Variants in ZNF254 observed in about 807,000 individuals in gnomAD.
ZNF254 encodes the protein CTD-2017D11.1.
In ZNF254, 10 loss-of-function variants were observed where a neutral mutation model predicts 12.4. That is an observed-to-expected ratio of 0.80 (90% confidence interval 0.50 to 1.36). The LOEUF (loss-of-function observed/expected upper bound fraction) is 1.36, where lower values mean the gene tolerates loss of function less well. Among genes scored for constraint, ZNF254 ranks in the 40% most tolerant of loss-of-function variants. The probability of loss-of-function intolerance (pLI) is 0.00; values close to 1 mark genes in which losing one functional copy is unlikely to be tolerated. For missense variants in ZNF254, 996 were observed against 763.9 expected (o/e 1.30, Z -3.58); for synonymous variants, 305 against 253.4 (o/e 1.20, Z -1.93).
At chr19:24,066,005 G>A (rs894260249) in intron 2 of ZNF254, 2 of 152,052 alleles carry the variant, frequency 1.3e-5, no homozygotes, top group Non-Finnish European at 2.9e-5. Context: ...TCTAGGTGAT[G>A]TGACTCTCCT....
chr19:24,121,133 G>A (rs1217612885), intron 3 of ZNF254, among the ~76,000 whole-genome samples: 1 of 151,896 alleles, frequency 6.6e-6, no homozygotes, highest in East Asian at 1.9e-4. Flanking sequence ...ATTTTTAAAG[G>A]GAAATAAATT....
chr19:24,128,854 TA>T lies in ZNF254; in HGVS notation c.*875del, dbSNP rs1257572979. The stretch of plus-strand genomic sequence containing the variant: ...TTTGTATATAACTTTAAAAATAGAA[TA>T]TTTTTTGGAGGGTTATAATTACATT... On this transcript the variant is annotated 3_prime_UTR_variant, in exon 4 of 4. Transcript: ENST00000357002. The T allele has an allele frequency of 2.0e-5, 3 of 152,026 alleles. No individual in the cohort carries two copies. The highest frequency in any genetic ancestry group is 4.4e-5 in the Non-Finnish European group (3 of 67,922). 9.4% of individuals were successfully genotyped at this position (152,026 alleles called of 1,614,324 possible). A position where few individuals can be genotyped will look rare whatever the true frequency, so the allele number is the denominator to read the frequency against.
At chr19:24,060,127 T>A (rs1971013312) in intron 2 of ZNF254, among the ~76,000 whole-genome samples, 1 of 152,176 alleles carries the variant, frequency 6.6e-6, no homozygotes, top group Admixed American at 6.5e-5. Flanking sequence ...CCCTGTCTAC[T>A]TAGGCTATTG....
intron 3 of ZNF254, among the ~76,000 whole-genome samples, chr19:24,121,743 A>G (rs1229350879): frequency 6.6e-6 from 1 of 151,976 alleles, no homozygotes; most frequent in Non-Finnish European, 1.5e-5. Flanking sequence ...TTTTTAGTAG[A>G]GACAGAGTTT....
intron 2 of ZNF254, among the ~76,000 whole-genome samples, chr19:24,055,466 A>C (rs1970815756): frequency 1.3e-5 from 2 of 151,782 alleles, no homozygotes; most frequent in Admixed American, 1.3e-4. Flanking sequence ...TTTAGTAGAA[A>C]CAGGGTTTCA....
chr19:24,115,639 C>T (rs974064058), intron 3 of ZNF254, among the ~76,000 whole-genome samples: 8 of 151,940 alleles, frequency 5.3e-5, no homozygotes, highest in African/African-American at 1.9e-4. Flanking sequence ...CTAACCTGCA[C>T]ATTGTGCACA....
intron 1 of ZNF254, among the ~76,000 whole-genome samples, chr19:24,091,429 T>G (rs1266810100): frequency 1.3e-5 from 2 of 152,170 alleles, no homozygotes; most frequent in Non-Finnish European, 2.9e-5. Flanking sequence ...CTTCAATTCC[T>G]TTTTTTAGCA....
At position 24,106,636 on chromosome 19, in the gene ZNF254, A is replaced by G; in HGVS notation, c.246A>G (p.Glu82=). The G allele has an allele frequency of 1.3e-6, 2 of 1,581,104 alleles. No homozygotes were observed. The highest frequency in any genetic ancestry group is 2.2e-5 in the South Asian group (2 of 90,596). Residue 82 remains glutamate, a synonymous_variant, in exon 3 of 4, where the codon GAA becomes GAG. Transcript: ENST00000357002. The part of the protein sequence containing the change: ...WNMKRHEMVD[E]PPGMCPHFAQ... ...TGAAGCGACATGAGATGGTGGATGAACCCCCAGGTAGGTGAGAGTGAATAC... is the reference window on the plus strand; with the variant it reads ...TGAAGCGACATGAGATGGTGGATGAGCCCCCAGGTAGGTGAGAGTGAATAC...
intron 1 of ZNF254, among the ~76,000 whole-genome samples, chr19:24,095,659 T>C (rs2145714645): frequency 6.6e-6 from 1 of 152,200 alleles, no homozygotes; most frequent in East Asian, 1.9e-4. Context: ...CTAGATTGTC[T>C]TGTTTGTGTG....
intron 3 of ZNF254, among the ~76,000 whole-genome samples, chr19:24,115,795 G>A (rs529158529): frequency 1.1e-4 from 16 of 152,206 alleles, no homozygotes; most frequent in Admixed American, 5.2e-4. Flanking sequence ...TAGCCTCGAC[G>A]GTTTCTACAA....
chr19:24,089,485 T>A (rs1365674014), intron 1 of ZNF254, among the ~76,000 whole-genome samples: 1 of 152,126 alleles, frequency 6.6e-6, no homozygotes, highest in Non-Finnish European at 1.5e-5. Flanking sequence ...GAAACTATAG[T>A]GTGATGTGTC....
At position 24,128,888 on chromosome 19, in the gene ZNF254, CTTTTTTTTGAAAATACAGATT is replaced by C. The variant is rs1568482839; in HGVS notation, c.*915_*935del. 6.6e-6 allele frequency: 1 copy of C among 151,564 alleles called. No homozygotes were observed. The highest frequency in any genetic ancestry group is 1.5e-5 in the Non-Finnish European group (1 of 67,814). 9.4% of individuals were successfully genotyped at this position (151,564 alleles called of 1,614,324 possible). On this transcript the variant is annotated 3_prime_UTR_variant, in exon 4 of 4. Transcript: ENST00000357002. ...GAGGGTTATAATTACATTCAAAGTACTTTTTTTTGAAAATACAGATTTTTTTTAAAAGTGAATAATGTGTTC... is the reference window on the plus strand; with the variant it reads ...GAGGGTTATAATTACATTCAAAGTACTTTTTTAAAAGTGAATAATGTGTTC...
chr19:24,038,594 A>G (rs1021910700), intron 1 of ZNF254, among the ~76,000 whole-genome samples: 4 of 152,172 alleles, frequency 2.6e-5, no homozygotes, highest in Non-Finnish European at 5.9e-5. Context: ...AGAATTACTA[A>G]ACAGGATATG....
upstream of ZNF254, among the ~76,000 whole-genome samples, chr19:24,084,783 A>G (rs1470953910): frequency 6.6e-6 from 1 of 151,972 alleles, no homozygotes; most frequent in Non-Finnish European, 1.5e-5. Flanking sequence ...ACAGGCCACC[A>G]TGCTCAGTTA....
chr19:24,090,448 C>A (rs1356710296), intron 1 of ZNF254, among the ~76,000 whole-genome samples: 1 of 152,094 alleles, frequency 6.6e-6, no homozygotes, highest in Admixed American at 6.6e-5. Context: ...GGCTTGTTTT[C>A]GTTGTCTTGA....
intron 2 of ZNF254, among the ~76,000 whole-genome samples, chr19:24,073,137 A>G (rs1181487142): frequency 6.6e-6 from 1 of 152,238 alleles, no homozygotes; most frequent in Non-Finnish European, 1.5e-5. Flanking sequence ...AAGACCAAGC[A>G]CACAGGTGAG....
intron 1 of ZNF254, among the ~76,000 whole-genome samples, chr19:24,092,171 CTT>C (rs753116371): frequency 5.0e-5 from 7 of 140,204 alleles, no homozygotes; most frequent in Admixed American, 1.4e-4. Flanking sequence ...TGTGCCTGGC[CTT>C]TTTTTTTTTT....
intron 2 of ZNF254, among the ~76,000 whole-genome samples, chr19:24,081,454 T>A (rs527251550): frequency 9.3e-4 from 142 of 152,306 alleles, no homozygotes; most frequent in African/African-American, 3.3e-3. Context: ...ACACTCCAAT[T>A]AACCTGATAT....
At chr19:24,071,143 A>G (rs986011710) in intron 2 of ZNF254, among the ~76,000 whole-genome samples, 1 of 152,156 alleles carries the variant, frequency 6.6e-6, no homozygotes, top group Non-Finnish European at 1.5e-5. Context: ...CAAAGCCAAA[A>G]GAGAAGGCCC....
Sources: gnomAD v4.1 joint callset for allele counts (sites outside exome capture counted in the v4.1 genomes callset) on GRCh38, gnomAD v4.1.1 for gene constraint, MANE v1.5 for transcripts, NCBI Gene and HGNC (gene_info 2026-07-23, HGNC 2026-07-21) for gene names.